Variants in SLC4A1AP observed in about 807,000 individuals in gnomAD.
SLC4A1AP encodes kanadaptin.
Under a neutral mutation model 89.7 loss-of-function variants are expected in SLC4A1AP, and 64 were observed. The ratio of observed to expected loss-of-function variants is 0.71; its 90% CI spans 0.58 to 0.88. The LOEUF (loss-of-function observed/expected upper bound fraction) is 0.88, where lower values mean the gene tolerates loss of function less well. Ranked by LOEUF, SLC4A1AP falls within the 40% of genes least tolerant of loss-of-function variation. The pLI is 0.00. For synonymous variants in SLC4A1AP, 366 were observed against 353.3 expected (o/e 1.04, Z -0.40); for missense variants, 931 against 965.0 (o/e 0.96, Z 0.47).
chr2:27,682,438 C>G, intron 9 of SLC4A1AP, 79 bp downstream of exon 9: 1 of 776,806 alleles, frequency 1.3e-6, no homozygotes, highest in East Asian at 2.7e-5. Flanking sequence ...TTTTTTGAAA[C>G]TACAAATGAC....
At chr2:27,668,942 G>T in intron 4 of SLC4A1AP, 39 bp downstream of exon 4, 3 of 1,586,714 alleles carry the variant, frequency 1.9e-6, no homozygotes, top group Non-Finnish European at 1.7e-6. Context: ...TCTGGAAAAT[G>T]GCCAATTTCA....
intron 5 of SLC4A1AP, among the ~76,000 whole-genome samples, chr2:27,674,151 A>G (rs555923017): frequency 1.6e-4 from 24 of 152,164 alleles, no homozygotes; most frequent in Non-Finnish European, 3.1e-4. Flanking sequence ...TAATAACCTC[A>G]TTGTAAAGAG....
chr2:27,677,704 C>T, intron 7 of SLC4A1AP, 34 bp from the exon 8 acceptor site: 1 of 1,517,520 alleles, frequency 6.6e-7, no homozygotes, highest in Non-Finnish European at 8.9e-7. Context: ...TCAGGATCAT[C>T]TTTCTAAACA....
chr2:27,677,013 C>T (rs1221108940), intron 6 of SLC4A1AP, among the ~76,000 whole-genome samples: 1 of 151,910 alleles, frequency 6.6e-6, no homozygotes, highest in Non-Finnish European at 1.5e-5. Context: ...GTGGTGCACA[C>T]CTGTAGTCCC....
intron 1 of SLC4A1AP, among the ~76,000 whole-genome samples, chr2:27,664,896 T>C (rs1311726292): frequency 6.7e-6 from 1 of 149,022 alleles, no homozygotes; most frequent in East Asian, 1.9e-4. Flanking sequence ...GGCAAGACCC[T>C]GTCTCTTAAA....
chr2:27,670,090 C>T (rs1675397550), intron 5 of SLC4A1AP, among the ~76,000 whole-genome samples: 1 of 151,856 alleles, frequency 6.6e-6, no homozygotes, highest in African/African-American at 2.4e-5. Flanking sequence ...CTCGAACTCC[C>T]AACCTCAGGT....
Position 27,664,650 on chromosome 2 carries a change from G to A in SLC4A1AP, c.825+73G>A. The A allele has an allele frequency of 3.3e-6, 4 of 1,194,612 alleles. No individual in the cohort carries two copies. The Admixed American group carries it at 6.7e-5, about 20-fold the overall frequency. 74.0% of individuals were successfully genotyped at this position (1,194,612 alleles called of 1,614,324 possible). On this transcript the variant is annotated intron_variant, in intron 1 of 13. Coordinates refer to ENST00000613058, the Ensembl canonical transcript of SLC4A1AP. ...TTCTTGTGCTTCTTAAGCTTTGGAT[G>A]AGGAAGAAGAATCTCCCACTCAGCG...
intron 3 of SLC4A1AP, among the ~76,000 whole-genome samples, chr2:27,668,453 A>G (rs1453061413): frequency 6.8e-6 from 1 of 147,324 alleles, no homozygotes; most frequent in Non-Finnish European, 1.5e-5. Flanking sequence ...CCCAGCCAGA[A>G]CTTGTTCTTT....
chr2:27,684,058 G>A (rs1162848071), intron 9 of SLC4A1AP, among the ~76,000 whole-genome samples: 5 of 152,012 alleles, frequency 3.3e-5, no homozygotes, highest in Non-Finnish European at 5.9e-5. Context: ...TTGCGGTGGG[G>A]ACTTAGGTTT....
exon 6 of SLC4A1AP, chr2:27,675,608 G>T: frequency 6.2e-7 from 1 of 1,611,684 alleles, no homozygotes; most frequent in Non-Finnish European, 8.5e-7. Context: ...TTCTTGATAG[G>T]ACTGGCCTGA....
chr2:27,674,365 CTT>C (rs1249390366), intron 5 of SLC4A1AP, among the ~76,000 whole-genome samples: 1 of 152,032 alleles, frequency 6.6e-6, no homozygotes, highest in Non-Finnish European at 1.5e-5. Flanking sequence ...TTGATGGACT[CTT>C]TACATATTCA....
At chr2:27,664,627 C>A in intron 1 of SLC4A1AP, 50 bp downstream of exon 1, 1 of 1,365,242 alleles carries the variant, frequency 7.3e-7, no homozygotes, top group South Asian at 1.3e-5. Context: ...GGACTGCGTT[C>A]TTGTGCTTCT....
chr2:27,674,362 A>G (rs184937358), intron 5 of SLC4A1AP, among the ~76,000 whole-genome samples: 17 of 152,072 alleles, frequency 1.1e-4, no homozygotes, highest in African/African-American at 4.1e-4. Context: ...TTATTGATGG[A>G]CTCTTTACAT....
chr2:27,670,114 C>T (rs1283812841), intron 5 of SLC4A1AP, among the ~76,000 whole-genome samples: 10 of 151,696 alleles, frequency 6.6e-5, no homozygotes, highest in East Asian at 1.9e-4. Flanking sequence ...CCACCTGCCT[C>T]GGCCTCCCAA....
intron 12 of SLC4A1AP, among the ~76,000 whole-genome samples, chr2:27,691,052 A>G (rs1675779570): frequency 6.6e-6 from 1 of 151,998 alleles, no homozygotes; most frequent in Admixed American, 6.6e-5. Flanking sequence ...TATTAGCTTC[A>G]TAGAATGAGT....
chr2:27,690,317 CCTCT>C (rs1339085978), intron 12 of SLC4A1AP, among the ~76,000 whole-genome samples: 9 of 152,058 alleles, frequency 5.9e-5, no homozygotes, highest in Admixed American at 6.6e-5. Flanking sequence ...CAGCCTCCTC[CCTCT>C]GAGTCTCCAA....
At chr2:27,692,210 T>C (rs746899528) in intron 12 of SLC4A1AP, 1 of 152,208 alleles carries the variant, frequency 6.6e-6, no homozygotes, top group Admixed American at 6.5e-5. Flanking sequence ...GTCACTATTA[T>C]TTATTTTGAA....
At chr2:27,682,266 A>G (rs764893133) in exon 9 of SLC4A1AP, 20 of 1,612,850 alleles carry the variant, frequency 1.2e-5, no homozygotes, top group Non-Finnish European at 1.6e-5. Context: ...CTCAGACTAC[A>G]GGTGCAGAAA....
chr2:27,686,629 G>C (rs1008157356), intron 10 of SLC4A1AP, among the ~76,000 whole-genome samples: 1 of 152,136 alleles, frequency 6.6e-6, no homozygotes, highest in East Asian at 1.9e-4. Flanking sequence ...TTAGTTGGGC[G>C]TGATGGTGCA....
Sources: allele counts gnomAD v4.1 joint callset (sites outside exome capture counted in the v4.1 genomes callset), GRCh38; gene constraint gnomAD v4.1.1; transcripts MANE v1.5; gene names NCBI Gene and HGNC (gene_info 2026-07-23, HGNC 2026-07-21).